TRIM2: variants seen among roughly 807,000 people sequenced by gnomAD.
TRIM2 encodes tripartite motif containing 2.
Under a neutral mutation model 75.2 loss-of-function variants are expected in TRIM2, and 20 were observed. The observed-to-expected ratio is 0.27, with a 90% CI of 0.19 to 0.39. The LOEUF is 0.39. Among genes scored for constraint, TRIM2 ranks in the 10% least tolerant of loss-of-function variants. The pLI is 1.00. For missense variants in TRIM2, 660 were observed against 990.8 expected (o/e 0.67, Z 4.48); for synonymous variants, 373 against 388.3 (o/e 0.96, Z 0.46).
At chr4:153,329,965 A>T (rs1771102672) in intron 11 of TRIM2, among the ~76,000 whole-genome samples, 1 of 152,200 alleles carries the variant, frequency 6.6e-6, no homozygotes, top group African/African-American at 2.4e-5. Context: ...TGACAAAGGA[A>T]ATAAGAGAAA....
chr4:153,302,911 A>G (rs1764215340), intron 6 of TRIM2, among the ~76,000 whole-genome samples: 2 of 152,374 alleles, frequency 1.3e-5, no homozygotes, highest in Middle Eastern at 6.8e-3. Context: ...AATGCTTTGC[A>G]TAAGTACTTT....
chr4:153,182,642 G>A (rs1000833420), intron 1 of TRIM2, among the ~76,000 whole-genome samples: 2 of 152,152 alleles, frequency 1.3e-5, no homozygotes, highest in Non-Finnish European at 2.9e-5. Flanking sequence ...AGTATTTAGG[G>A]TGCACACAAA....
chr4:153,241,532 C>T (rs1200920279), intron 1 of TRIM2, among the ~76,000 whole-genome samples: 1 of 152,182 alleles, frequency 6.6e-6, no homozygotes, highest in African/African-American at 2.4e-5. Context: ...AACAAAGGGG[C>T]ACACCCACTT....
intron 10 of TRIM2, among the ~76,000 whole-genome samples, chr4:153,328,115 T>C (rs1467349319): frequency 6.6e-6 from 1 of 152,222 alleles, no homozygotes; most frequent in Admixed American, 6.5e-5. Context: ...TACTCTCTGA[T>C]CCAACTTTTA....
intron 1 of TRIM2, among the ~76,000 whole-genome samples, chr4:153,249,425 C>T (rs1390558292): frequency 6.6e-6 from 1 of 152,240 alleles, no homozygotes; most frequent in African/African-American, 2.4e-5. Flanking sequence ...TGGTTATGAC[C>T]GCAGGATGGA....
At chr4:153,190,455 G>A (rs1733065720) in intron 1 of TRIM2, among the ~76,000 whole-genome samples, 2 of 152,226 alleles carry the variant, frequency 1.3e-5, no homozygotes, top group South Asian at 4.1e-4. Flanking sequence ...GGACTTAGGG[G>A]AGGATGCTAA....
At chr4:153,243,828 C>A (rs63529660) in intron 1 of TRIM2, among the ~76,000 whole-genome samples, 1 of 107,038 alleles carries the variant, frequency 9.3e-6, no homozygotes, top group Non-Finnish European at 1.7e-5. Flanking sequence ...TCCCCCCCCC[C>A]TTGAGACAGG....
chr4:153,257,979 G>C (rs940491076), intron 1 of TRIM2, among the ~76,000 whole-genome samples: 1 of 152,266 alleles, frequency 6.6e-6, no homozygotes, highest in East Asian at 1.9e-4. Flanking sequence ...AAGTTCTAAT[G>C]TGATCTGACT....
In TRIM2 at chr4:153,296,086, G is replaced by A. The variant is rs753727814; in HGVS notation, c.1510+50G>A. On this transcript the variant is annotated intron_variant, in intron 6 of 11. Transcript: ENST00000338700. Reference sequence around the variant, plus strand: ...ACGCCTGAGCTGGCACTGGTTAAGGGGTAACTGGGCACGTGTCATTGCAAA... The same window carrying A: ...ACGCCTGAGCTGGCACTGGTTAAGGAGTAACTGGGCACGTGTCATTGCAAA... 3.3e-6 allele frequency: 5 copies of A among 1,502,554 alleles called. No individual in the cohort carries two copies. In the South Asian group the frequency reaches 7.0e-5, roughly 21 times the overall value. 93.1% of individuals were successfully genotyped at this position (1,502,554 alleles called of 1,614,324 possible).
intron 1 of TRIM2, among the ~76,000 whole-genome samples, chr4:153,221,896 AGGG>A (rs1740329721): frequency 9.5e-6 from 1 of 105,392 alleles, no homozygotes; most frequent in Non-Finnish European, 2.0e-5. Context: ...GGAAGGAAGG[AGGG>A]AGGAAGGAAG....
intron 1 of TRIM2, among the ~76,000 whole-genome samples, chr4:153,181,658 G>C (rs1294114322): frequency 6.6e-6 from 1 of 152,200 alleles, no homozygotes; most frequent in Non-Finnish European, 1.5e-5. Context: ...CAGAGCACAG[G>C]AGGTGGGATG....
chr4:153,170,710 G>A (rs139527126), intron 1 of TRIM2, among the ~76,000 whole-genome samples: 9 of 152,254 alleles, frequency 5.9e-5, no homozygotes, highest in Non-Finnish European at 7.4e-5. Context: ...TGTATATGAT[G>A]TCCAGATTGA....
chr4:153,270,236 C>G, intron 1 of TRIM2, 99 bp from the exon 2 acceptor site: 1 of 1,431,002 alleles, frequency 7.0e-7, no homozygotes, highest in Non-Finnish European at 9.4e-7. Context: ...CCGACTTCTA[C>G]CTTTACTTAT....
chr4:153,224,564 G>A (rs1181338101), intron 1 of TRIM2, among the ~76,000 whole-genome samples: 1 of 152,120 alleles, frequency 6.6e-6, no homozygotes, highest in East Asian at 1.9e-4. Flanking sequence ...TTGGATCATG[G>A]AATCTAGGAT....
chr4:153,192,547 C>A (rs1055093655), intron 1 of TRIM2, among the ~76,000 whole-genome samples: 1 of 144,882 alleles, frequency 6.9e-6, no homozygotes, highest in Non-Finnish European at 1.5e-5. Flanking sequence ...GTCAAGTTTA[C>A]GGTGAGCCAT....
At chr4:153,292,489 G>A (rs749144247) in intron 3 of TRIM2, among the ~76,000 whole-genome samples, 2 of 152,030 alleles carry the variant, frequency 1.3e-5, no homozygotes, top group Non-Finnish European at 2.9e-5. Flanking sequence ...ACAGAGTCTC[G>A]CTATGTTTCC....
intron 1 of TRIM2, among the ~76,000 whole-genome samples, chr4:153,249,958 C>T (rs1014778772): frequency 6.6e-6 from 1 of 152,124 alleles, no homozygotes; most frequent in African/African-American, 2.4e-5. Flanking sequence ...TTCTCGAGGC[C>T]AAGCAATGGG....
At chr4:153,263,316 G>T (rs1339206854) in intron 1 of TRIM2, among the ~76,000 whole-genome samples, 1 of 151,866 alleles carries the variant, frequency 6.6e-6, no homozygotes, top group Non-Finnish European at 1.5e-5. Context: ...GTGACAGAGG[G>T]AGACCCTGTC....
chr4:153,221,868 A>G (rs1740281053), intron 1 of TRIM2, among the ~76,000 whole-genome samples: 1 of 107,758 alleles, frequency 9.3e-6, no homozygotes. Flanking sequence ...GAGAGAGAGG[A>G]AGGAAGGGAA....
Sources: gnomAD v4.1 joint callset for allele counts (sites outside exome capture counted in the v4.1 genomes callset) on GRCh38, gnomAD v4.1.1 for gene constraint, MANE v1.5 for transcripts, NCBI Gene and HGNC (gene_info 2026-07-23, HGNC 2026-07-21) for gene names.